STARD3: variants seen among roughly 807,000 people sequenced by gnomAD.
The protein encoded by STARD3 is stAR-related lipid transfer protein 3.
A neutral mutation model predicts 62.0 loss-of-function variants in STARD3; 39 were observed. That is an observed-to-expected ratio of 0.63 (90% confidence interval 0.49 to 0.82). The LOEUF (loss-of-function observed/expected upper bound fraction) is 0.82, where lower values mean the gene tolerates loss of function less well. STARD3 is among the 40% of genes least tolerant of loss of function. The pLI is 0.00. For missense variants in STARD3, 543 were observed against 584.5 expected, an observed-to-expected ratio of 0.93 and a Z score of 0.73; for synonymous variants, 229 against 242.4, an observed-to-expected ratio of 0.94 and a Z score of 0.51.
At position 39,662,809 on chromosome 17, in the gene STARD3, C is replaced by T. The variant is rs574417032; in HGVS notation, c.1239C>T (p.Arg413=). The T allele has an allele frequency of 1.2e-6, 2 of 1,608,676 alleles. No individual in the cohort carries two copies. The highest frequency in any genetic ancestry group is 2.2e-5 in the South Asian group (2 of 90,502). ...VWILNTDLKG[R]LPRYLIHQSL... ...TTCTGCCTGCCTTCCCCCAGGGCCG[C>T]CTGCCCCGGTACCTCATCCACCAGA... The change falls in exon 15 of 15, where the codon CGC becomes CGT. Residue 413 remains arginine (R), a synonymous_variant. Transcript: ENST00000336308.
chr17:39,642,522 G>A lies in STARD3; in HGVS notation c.-52+5291G>A, dbSNP rs74806025. ...GCTGTAGGGAAGGGTGTAAATGGCC[G>A]TTCAGTGCATTTCCTGGAAACCCAC... On this transcript the variant is annotated intron_variant, in intron 1 of 14. Coordinates refer to ENST00000336308, the MANE Select transcript of STARD3 (RefSeq NM_006804.4). Among the ~76,000 whole-genome samples, 346 of 152,270 alleles carry A rather than the reference G, an allele frequency of 2.3e-3. 1 individual carries two copies. Among genetic ancestry groups the A allele is most frequent in the Non-Finnish European group, 3.7e-3 (250 of 68,014 alleles).
At position 39,657,790 on chromosome 17, in the gene STARD3, C is replaced by G. The variant is rs368331751; in HGVS notation, c.313C>G (p.Arg105Gly). 1.2e-6 allele frequency: 2 copies of G among 1,614,038 alleles called. No homozygotes were observed. The highest frequency in any genetic ancestry group is 1.7e-6 in the Non-Finnish European group (2 of 1,180,016). The change falls in exon 4 of 15, where the codon CGC (arginine) becomes GGC (glycine). Residue 105 changes from arginine to glycine, a missense_variant. By Grantham distance (125) the Arg-to-Gly change is moderately radical. Transcript: ENST00000336308. Reference sequence around the variant, plus strand: ...CCCCCACCAGGTCCTGGCCTTCTTCCGCTTCTCTGGACTGCTCCTAGGCTA... The same window carrying G: ...CCCCCACCAGGTCCTGGCCTTCTTCGGCTTCTCTGGACTGCTCCTAGGCTA... ...FFDIFVLAFF[R>G]FSGLLLGYAV...
chr17:39,650,508 A>G lies in STARD3; in HGVS notation c.-51-2973A>G, dbSNP rs375785606. Among the ~76,000 whole-genome samples, 26 of 152,272 alleles carry G rather than the reference A, an allele frequency of 1.7e-4. No homozygotes were observed. In the East Asian group the frequency reaches 4.1e-3, roughly 24 times the overall value. On this transcript the variant is annotated intron_variant, in intron 1 of 14. Transcript: ENST00000336308. ...GAGGGAGAGGGAGACAGCTAAAAAG[A>G]TAATTACAAAGGAAATAGGCCAGGT...
chr17:39,660,111 T>G lies in STARD3; in HGVS notation c.796-100T>G. 243 of 1,199,968 alleles carry G rather than the reference T, an allele frequency of 2.0e-4. No homozygotes were observed. Among genetic ancestry groups the G allele is most frequent in the Non-Finnish European group, 2.7e-4 (219 of 805,236 alleles). The allele number at this position is 1,199,968 out of a possible 1,614,324, so 74.3% of individuals were successfully genotyped here. A position where few individuals can be genotyped will look rare whatever the true frequency, so the allele number is the denominator to read the frequency against. On this transcript the variant is annotated intron_variant, in intron 9 of 14. Transcript: ENST00000336308. The surrounding 1 kb of genome is among the most constrained non-coding windows in gnomAD (Gnocchi z 4.8). ...CCCAAACTCCTGGAGTTTTCCACCC[T>G]GAGCTGTTAAAAACCTGCCCTGCCT...
At position 39,660,840 on chromosome 17, in the gene STARD3, A is replaced by G. The variant is rs1262913607; in HGVS notation, c.985A>G (p.Ile329Val). ...ILQRVEDNTL[I>V]SYDVSAGAAG... Reference sequence around the variant, plus strand: ...GCAGCGAGTGGAAGACAACACCCTCATCTCCTATGACGTGTCTGCAGGGGC... The same window carrying G: ...GCAGCGAGTGGAAGACAACACCCTCGTCTCCTATGACGTGTCTGCAGGGGC... Residue 329 changes from isoleucine (I) to valine (V), a missense_variant, in exon 12 of 15, where the codon ATC (isoleucine) becomes GTC (valine). Transcript: ENST00000336308. This position sits in a 1 kb window ranked among gnomAD's most constrained non-coding sequence, Gnocchi z 4.8. 8.1e-6 allele frequency: 13 copies of G among 1,596,376 alleles called. No individual in the cohort carries two copies. Among genetic ancestry groups the G allele is most frequent in the South Asian group, 1.1e-5 (1 of 88,544 alleles).
intron 2 of STARD3, 34 bp downstream of exon 2, chr17:39,653,784 T>C (rs1448438251): frequency 1.2e-6 from 2 of 1,611,384 alleles, no homozygotes; most frequent in African/African-American, 2.7e-5. Flanking sequence ...ACAGGCCATG[T>C]TGCAGGCCAC....
At chr17:39,662,779 G>A (rs1427610509) in intron 14 of STARD3, 25 bp from the exon 15 acceptor site, 3 of 1,593,896 alleles carry the variant, frequency 1.9e-6, no homozygotes, top group Non-Finnish European at 2.6e-6. Flanking sequence ...GCCATCAAGT[G>A]TGACTTCTGC....
intron 2 of STARD3, 33 bp from the exon 3 acceptor site, chr17:39,656,975 A>G: frequency 6.2e-7 from 1 of 1,611,556 alleles, no homozygotes; most frequent in Non-Finnish European, 8.5e-7. Context: ...CCTTGCTTCT[A>G]CCTGCAGAGC....
chr17:39,655,125 C>T (rs1180479242), intron 2 of STARD3, among the ~76,000 whole-genome samples: 1 of 152,236 alleles, frequency 6.6e-6, no homozygotes, highest in Admixed American at 6.5e-5. Flanking sequence ...TTACCTGCAT[C>T]CTTCATTGAA....
In STARD3 at chr17:39,660,284, G is replaced by A. The variant is rs1402841372; in HGVS notation, c.858+11G>A. 6.2e-7 allele frequency: 1 copy of A among 1,614,030 alleles called. No homozygotes were observed. The highest frequency in any genetic ancestry group is 8.5e-7 in the Non-Finnish European group (1 of 1,180,014). ...ACGTTTATCCTGAAGGTGAGTGAGG[G>A]GAGCGGGTGTCCTGGAGCCCCAGAC... On this transcript the variant is annotated intron_variant, in intron 10 of 14. Transcript: ENST00000336308. The surrounding 1 kb of genome is among the most constrained non-coding windows in gnomAD (Gnocchi z 4.8).
intron 1 of STARD3, among the ~76,000 whole-genome samples, chr17:39,638,843 A>G (rs923726632): frequency 2.6e-5 from 4 of 152,260 alleles, no homozygotes; most frequent in East Asian, 3.8e-4. Flanking sequence ...AGAATGCTCA[A>G]TAAATTAAAG....
intron 13 of STARD3, among the ~76,000 whole-genome samples, chr17:39,662,008 T>C (rs1179219856): frequency 6.6e-6 from 1 of 151,934 alleles, no homozygotes; most frequent in Non-Finnish European, 1.5e-5. Flanking sequence ...CCTGGGGGTG[T>C]GCAAGCACCA....
At chr17:39,639,983 C>T (rs370132493) in intron 1 of STARD3, among the ~76,000 whole-genome samples, 4 of 152,226 alleles carry the variant, frequency 2.6e-5, no homozygotes, top group South Asian at 2.1e-4. Flanking sequence ...TCCCTGAAAG[C>T]GCTGATCACA....
Position 39,662,958 on chromosome 17 carries a change from A to C in STARD3, c.*50A>C, listed in dbSNP as rs371191084. ...CCAGGGTCCTGTCGCCACCACTTCC[A>C]GAGCCAGAAAGGGTGCCAGTTGGGC... On this transcript the variant is annotated 3_prime_UTR_variant, in exon 15 of 15. Coordinates refer to ENST00000336308, the MANE Select transcript of STARD3 (RefSeq NM_006804.4). 1.2e-4 allele frequency: 189 copies of C among 1,548,070 alleles called. 1 individual carries two copies. The highest frequency in any genetic ancestry group is 1.3e-4 in the Non-Finnish European group (145 of 1,140,588).
Position 39,661,340 on chromosome 17 carries a change from G to A in STARD3, c.1139+255G>A, listed in dbSNP as rs1297782708. 3 of 533,132 alleles carry A rather than the reference G, an allele frequency of 5.6e-6. No homozygotes were observed. In the African/African-American group the frequency reaches 5.7e-5, roughly 10 times the overall value. 33.0% of individuals were successfully genotyped at this position (533,132 alleles called of 1,614,324 possible). A position where few individuals can be genotyped will look rare whatever the true frequency, so the allele number is the denominator to read the frequency against. ...GGATGTGCGGCGGTGGCTGGCTGGG[G>A]TAGACCATGGATGGGGACCCGTGCA... On this transcript the variant is annotated intron_variant, in intron 13 of 14. Transcript: ENST00000336308.
chr17:39,660,562 G>A lies in STARD3; in HGVS notation c.954+36G>A, dbSNP rs747453810. On this transcript the variant is annotated intron_variant, in intron 11 of 14. Transcript: ENST00000336308. This position sits in a 1 kb window ranked among gnomAD's most constrained non-coding sequence, Gnocchi z 4.8. ...TCTGGCTGCCTCTTAAGGCACAGAT[G>A]GGGGCACAGCCACGCCTCAGTGGGA... is the stretch of plus-strand genomic sequence containing the variant. The A allele has an allele frequency of 6.8e-6, 11 of 1,606,318 alleles. No homozygotes were observed. The Admixed American group carries it at 1.3e-4, about 19-fold the overall frequency.
At chr17:39,658,572 A>G (rs747575676) in intron 6 of STARD3, 50 bp downstream of exon 6, 1 of 1,585,838 alleles carries the variant, frequency 6.3e-7, no homozygotes, top group African/African-American at 1.3e-5. Flanking sequence ...CACAGCCCCA[A>G]GAGAGGGGAG....
At chr17:39,659,260 C>T (rs1210465329) in intron 8 of STARD3, among the ~76,000 whole-genome samples, 154 bp downstream of exon 8, 2 of 152,226 alleles carry the variant, frequency 1.3e-5, no homozygotes, top group African/African-American at 2.4e-5. Context: ...CAGTCCGGCC[C>T]CCCTGGTCTG....
intron 8 of STARD3, 129 bp from the exon 9 acceptor site, chr17:39,659,332 C>G: frequency 1.9e-6 from 2 of 1,042,214 alleles, no homozygotes; most frequent in Admixed American, 4.5e-5. Flanking sequence ...GAGACCAGCC[C>G]AGATCCCACA....
Sources: allele counts gnomAD v4.1 joint callset (sites outside exome capture counted in the v4.1 genomes callset), GRCh38; gene constraint gnomAD v4.1.1; non-coding constraint Gnocchi (gnomAD v3.1); transcripts MANE v1.5; gene names NCBI Gene and HGNC (gene_info 2026-07-23, HGNC 2026-07-21).